The following ZKSCAN4 variants were observed in gnomAD, a reference collection of about 807,000 sequenced individuals.
ZKSCAN4 encodes zinc finger protein with KRAB and SCAN domains 4.
Under a neutral mutation model 30.8 loss-of-function variants are expected in ZKSCAN4, and 23 were observed. The ratio of observed to expected loss-of-function variants is 0.75; its 90% confidence interval spans 0.54 to 1.06. The LOEUF (loss-of-function observed/expected upper bound fraction) is 1.06, where lower values mean the gene tolerates loss of function less well. Ranked by LOEUF, ZKSCAN4 falls within the 50% of genes least tolerant of loss-of-function variation. ZKSCAN4 has a pLI of 0.00. For synonymous variants in ZKSCAN4, 208 were observed against 252.5 expected, an observed-to-expected ratio of 0.82 and a Z score of 1.67; for missense variants, 556 against 665.4, an observed-to-expected ratio of 0.84 and a Z score of 1.81.
At chr6:28,247,224 C>A in intron 3 of ZKSCAN4, 132 bp from the exon 4 acceptor site, 2 of 974,548 alleles carry the variant, frequency 2.1e-6, no homozygotes, top group Non-Finnish European at 1.4e-6. Flanking sequence ...TTAGCTTTAT[C>A]TCTAATAACA....
At position 28,249,557 on chromosome 6, in the gene ZKSCAN4, A is replaced by T; in HGVS notation, c.571+130T>A. 9.2e-7 allele frequency: 1 copy of T among 1,086,238 alleles called. No individual in the cohort carries two copies. Among genetic ancestry groups the T allele is most frequent in the Non-Finnish European group, 1.3e-6 (1 of 790,566 alleles). 67.3% of individuals were successfully genotyped at this position (1,086,238 alleles called of 1,614,324 possible). A position where few individuals can be genotyped will look rare whatever the true frequency, so the allele number is the denominator to read the frequency against. On this transcript the variant is annotated intron_variant, in intron 2 of 4. Transcript: ENST00000377294. The surrounding 1 kb of genome is among the most constrained non-coding windows in gnomAD (Gnocchi z 4.1). ...TTCACCATTGTTTGAAATTTCTCTT[A>T]GTCTCAGTCTTAAAATACAGCTCTC... is the stretch of plus-strand genomic sequence containing the variant.
At position 28,251,601 on chromosome 6, in the gene ZKSCAN4, A is replaced by G. The variant is rs1177009567; in HGVS notation, c.380T>C (p.Leu127Pro). ...CAGCTGCCTCTCCAAATACTCCAAT[A>G]GCACCACCACCTCCTCCCCGCTCTC... ...HPESGEEVVV[L>P]LEYLERQLDE... Residue 127 changes from leucine (L) to proline (P), a missense_variant, in exon 1 of 5, where the codon CTA becomes CCA. By Grantham distance (98) the Leu-to-Pro change is moderately conservative. Around this residue, in one of 3 missense-constraint regions of ZKSCAN4, gnomAD observed 433 missense variants for 511.5 expected, o/e 0.85. Coordinates refer to ENST00000377294, the MANE Select transcript of ZKSCAN4 (RefSeq NM_019110.5). The surrounding 1 kb of genome is among the most constrained non-coding windows in gnomAD (Gnocchi z 4.5). The G allele has an allele frequency of 3.1e-6, 5 of 1,614,008 alleles. No homozygotes were observed. Among genetic ancestry groups the G allele is most frequent in the Non-Finnish European group, 4.2e-6 (5 of 1,180,012 alleles).
rs920324595 is a variant in ZKSCAN4, at chr6:28,243,557, C to A, written c.*1559G>T. On this transcript the variant is annotated 3_prime_UTR_variant, in exon 5 of 5. Coordinates refer to ENST00000377294, the MANE Select transcript of ZKSCAN4 (RefSeq NM_019110.5). ...ATTCTTATTTCTTGTGAATAACTCA[C>A]AGCATTGAGCCTTGACATCACATAT... Among the ~76,000 whole-genome samples the A allele has an allele frequency of 1.3e-5, 2 of 152,140 alleles. No homozygotes were observed. The highest frequency in any genetic ancestry group is 4.8e-5 in the African/African-American group (2 of 41,416).
rs2113671785 is a variant in ZKSCAN4 at position 28,245,103 on chromosome 6, T to C, written c.*13A>G. 20 of 1,614,162 alleles carry C rather than the reference T, an allele frequency of 1.2e-5. No homozygotes were observed. The highest frequency in any genetic ancestry group is 1.7e-5 in the Non-Finnish European group (20 of 1,180,016). ...TGACAAATGAGCACCAATGTTGGCATGAATACCATGGGTCACTGTGAAAGA... is the reference window on the plus strand; with the variant it reads ...TGACAAATGAGCACCAATGTTGGCACGAATACCATGGGTCACTGTGAAAGA... On this transcript the variant is annotated 3_prime_UTR_variant, in exon 5 of 5. Coordinates refer to ENST00000377294, the MANE Select transcript of ZKSCAN4 (RefSeq NM_019110.5).
At chr6:28,256,472 T>C (rs745478247), upstream of ZKSCAN4, among the ~76,000 whole-genome samples, 7 of 152,180 alleles carry the variant, frequency 4.6e-5, no homozygotes, top group Non-Finnish European at 8.8e-5. Context: ...GAAAGATTTA[T>C]GAAAAACAAT....
Position 28,245,382 on chromosome 6 carries a change from T to C in ZKSCAN4, c.1372A>G (p.Asn458Asp). 5 of 1,614,240 alleles carry C rather than the reference T, an allele frequency of 3.1e-6. No homozygotes were observed. The highest frequency in any genetic ancestry group is 3.4e-6 in the Non-Finnish European group (4 of 1,180,040). ...LRHQRIHGDK[N>D]VQNPEHGESW... Reference sequence around the variant, plus strand: ...TCCCCGTGCTCAGGATTCTGAACATTTTTATCACCATGAATCCTCTGATGT... The same window carrying C: ...TCCCCGTGCTCAGGATTCTGAACATCTTTATCACCATGAATCCTCTGATGT... The change falls in exon 5 of 5, where the codon AAT becomes GAT. Residue 458 changes from asparagine to aspartate, a missense_variant. Asn to Asp is a conservative substitution (Grantham distance 23). Coordinates refer to ENST00000377294, the MANE Select transcript of ZKSCAN4 (RefSeq NM_019110.5).
chr6:28,246,100 T>A, intron 4 of ZKSCAN4, 125 bp from the exon 5 acceptor site: 3 of 1,324,816 alleles, frequency 2.3e-6, no homozygotes, highest in Non-Finnish European at 3.1e-6. Context: ...ATTTAAGTGC[T>A]AGAATAAGAA....
At chr6:28,258,970 G>A in the ZKSCAN4 span, among the ~76,000 whole-genome samples, 25 of 152,058 alleles carry the variant, frequency 1.6e-4, no homozygotes, top group Non-Finnish European at 3.2e-4. Flanking sequence ...TTGGTAGTAG[G>A]GATCTTCCAC....
intron 3 of ZKSCAN4, 27 bp from the exon 4 acceptor site, chr6:28,247,119 C>A: frequency 6.5e-7 from 1 of 1,550,118 alleles, no homozygotes; most frequent in South Asian, 1.2e-5. Context: ...TCCTAACTAG[C>A]TCCTCTTGCC....
Position 28,251,481 on chromosome 6 carries a change from G to C in ZKSCAN4, c.423+77C>G, listed in dbSNP as rs563804832. 3.5e-5 allele frequency: 56 copies of C among 1,610,812 alleles called. No individual in the cohort carries two copies. The highest frequency in any genetic ancestry group is 4.7e-5 in the Non-Finnish European group (55 of 1,178,336). ...GATGAAGAACTCCTGGACCTTAAAG[G>C]AATGCCCCTCGCTCCGATCTGGGAT... On this transcript the variant is annotated intron_variant, in intron 1 of 4. Coordinates refer to ENST00000377294, the MANE Select transcript of ZKSCAN4 (RefSeq NM_019110.5). The surrounding 1 kb of genome is among the most constrained non-coding windows in gnomAD (Gnocchi z 4.5).
In ZKSCAN4 at chr6:28,244,120, T is replaced by A. The variant is rs1760605121; in HGVS notation, c.*996A>T. Among the ~76,000 whole-genome samples, 1 of 152,066 alleles carries A rather than the reference T, an allele frequency of 6.6e-6. No individual in the cohort carries two copies. Among genetic ancestry groups the A allele is most frequent in the Non-Finnish European group, 1.5e-5 (1 of 68,012 alleles). The stretch of plus-strand genomic sequence containing the variant: ...TATGAATCTTCGGACCTGGAGAAAG[T>A]TTAAGCTTAGCTGGCATAAGCCTTG... On this transcript the variant is annotated 3_prime_UTR_variant, in exon 5 of 5. Coordinates refer to ENST00000377294, the MANE Select transcript of ZKSCAN4 (RefSeq NM_019110.5).
chr6:28,243,472 G>A lies in ZKSCAN4; in HGVS notation c.*1644C>T, dbSNP rs970351628. 3.3e-5 allele frequency among the ~76,000 whole-genome samples: 5 copies of A among 152,232 alleles called. No homozygotes were observed. The highest frequency in any genetic ancestry group is 4.1e-4 in the South Asian group (2 of 4,828). ...ATGGTAATAGGCACTTGAGCACTTCGGAAGAAATCAGTCTTTAAGCATCGC... is the reference window on the plus strand; with the variant it reads ...ATGGTAATAGGCACTTGAGCACTTCAGAAGAAATCAGTCTTTAAGCATCGC... On this transcript the variant is annotated 3_prime_UTR_variant, in exon 5 of 5. Coordinates refer to ENST00000377294, the MANE Select transcript of ZKSCAN4 (RefSeq NM_019110.5).
At position 28,244,331 on chromosome 6, in the gene ZKSCAN4, C is replaced by T. The variant is rs1428399063; in HGVS notation, c.*785G>A. Among the ~76,000 whole-genome samples the T allele has an allele frequency of 6.6e-6, 1 of 152,158 alleles. No individual in the cohort carries two copies. Among genetic ancestry groups the T allele is most frequent in the African/African-American group, 2.4e-5 (1 of 41,434 alleles). On this transcript the variant is annotated 3_prime_UTR_variant, in exon 5 of 5. Transcript: ENST00000377294. ...TATTTACCTGAATGTGAAAGACTCC[C>T]CCTAAAGAGTAGCAAAATTAATGTA...
At chr6:28,258,837 AAAG>A in the ZKSCAN4 span, among the ~76,000 whole-genome samples, 1 of 151,922 alleles carries the variant, frequency 6.6e-6, no homozygotes, top group South Asian at 2.1e-4. Context: ...ACTGATTCCA[AAAG>A]AAGTTTTGGT....
At chr6:28,247,695 A>G (rs768731482) in intron 3 of ZKSCAN4, among the ~76,000 whole-genome samples, 1 of 152,276 alleles carries the variant, frequency 6.6e-6, no homozygotes, top group Non-Finnish European at 1.5e-5. Context: ...CACCAACAGC[A>G]CAGCTTATTG....
the ZKSCAN4 span, among the ~76,000 whole-genome samples, chr6:28,258,815 G>C: frequency 6.6e-6 from 1 of 152,100 alleles, no homozygotes; most frequent in South Asian, 2.1e-4. Context: ...CTAGCTTAGA[G>C]GGTGAGCTCA....
Position 28,245,254 on chromosome 6 carries a change from T to G in ZKSCAN4, c.1500A>C (p.Arg500Ser), listed in dbSNP as rs781490585. The change falls in exon 5 of 5, where the codon AGA becomes AGC. Residue 500 changes from arginine to serine, a missense_variant. By Grantham distance (110) the Arg-to-Ser change is moderately radical. Transcript: ENST00000377294. ...NECERSFTRNRSLIEHQKIHT... is the reference protein window; with the variant it reads ...NECERSFTRNSSLIEHQKIHT... ...GGATTTTCTGATGTTCAATAAGACTTCTATTCCGTGTGAAACTTCTCTCAC... is the reference window on the plus strand; with the variant it reads ...GGATTTTCTGATGTTCAATAAGACTGCTATTCCGTGTGAAACTTCTCTCAC... The G allele has an allele frequency of 1.5e-5, 24 of 1,613,558 alleles. No homozygotes were observed. The South Asian group carries it at 2.5e-4, about 17-fold the overall frequency.
rs1178961502 is a variant in ZKSCAN4 at position 28,245,772 on chromosome 6, T to G, written c.982A>C (p.Ser328Arg). 6.2e-7 allele frequency: 1 copy of G among 1,614,140 alleles called. No homozygotes were observed. Among genetic ancestry groups the G allele is most frequent in the Non-Finnish European group, 8.5e-7 (1 of 1,180,056 alleles). The change falls in exon 5 of 5, where the codon AGT becomes CGT. Residue 328 changes from serine (S) to arginine (R), a missense_variant. By Grantham distance (110) the Ser-to-Arg change is moderately radical. This residue lies in a region of ZKSCAN4 where 433 missense variants were observed against 511.5 expected (regional missense o/e 0.85). Coordinates refer to ENST00000377294, the MANE Select transcript of ZKSCAN4 (RefSeq NM_019110.5). ...GTCAGGCCTGAACTTTGAGCAAAAC[T>G]CTTTCCACATTCATGGCAATAATGT... Reference protein sequence around the residue: ...RRHYCHECGKSFAQSSGLTKH... With the variant: ...RRHYCHECGKRFAQSSGLTKH...
At chr6:28,258,377 A>T in the ZKSCAN4 span, among the ~76,000 whole-genome samples, 2 of 151,700 alleles carry the variant, frequency 1.3e-5, no homozygotes, top group Non-Finnish European at 2.9e-5. Flanking sequence ...CAAACTACAA[A>T]GTTTCTGAAG....
Sources: allele counts gnomAD v4.1 joint callset (sites outside exome capture counted in the v4.1 genomes callset), GRCh38; gene constraint gnomAD v4.1.1; regional missense constraint gnomAD v4.1.1; non-coding constraint Gnocchi (gnomAD v3.1); transcripts MANE v1.5; gene names NCBI Gene and HGNC (gene_info 2026-07-23, HGNC 2026-07-21).